PRLR: variants seen among roughly 807,000 people sequenced by gnomAD.
PRLR encodes prolactin receptor.
In PRLR, 13 loss-of-function variants were observed where a neutral mutation model predicts 40.2. That is an observed-to-expected ratio of 0.32 (90% CI 0.21 to 0.51). PRLR has a LOEUF of 0.51. Among genes scored for constraint, PRLR ranks in the 20% least tolerant of loss-of-function variants. The pLI is 0.97. For synonymous variants in PRLR, 269 were observed against 278.7 expected (o/e 0.97, Z 0.35); for missense variants, 656 against 747.3 (o/e 0.88, Z 1.42).
intron 1 of PRLR, among the ~76,000 whole-genome samples, chr5:35,179,593 T>C (rs1261364505): frequency 2.6e-5 from 4 of 152,228 alleles, no homozygotes; most frequent in African/African-American, 7.2e-5. Flanking sequence ...CACCTCTCTA[T>C]GTTCCTCATA....
At chr5:35,221,650 G>A (rs1776423145) in intron 1 of PRLR, among the ~76,000 whole-genome samples, 1 of 152,156 alleles carries the variant, frequency 6.6e-6, no homozygotes, top group Non-Finnish European at 1.5e-5. Flanking sequence ...AAATAAATAC[G>A]AATGTCCAGG....
At chr5:35,111,458 C>T (rs752813376) in intron 2 of PRLR, among the ~76,000 whole-genome samples, 16 of 151,944 alleles carry the variant, frequency 1.1e-4, no homozygotes, top group Admixed American at 3.9e-4. Flanking sequence ...TTTTAAAAGC[C>T]GTAAGAATGT....
chr5:35,128,336 C>T, intron 1 of PRLR, among the ~76,000 whole-genome samples: 1 of 150,228 alleles, frequency 6.7e-6, no homozygotes, highest in East Asian at 2.1e-4. Flanking sequence ...CACAGATGCG[C>T]AAGTCTTTGA....
chr5:35,128,537 T>G (rs1773545890), intron 1 of PRLR, among the ~76,000 whole-genome samples: 1 of 152,066 alleles, frequency 6.6e-6, no homozygotes, highest in African/African-American at 2.4e-5. Flanking sequence ...AGAATATGTT[T>G]TATCCTTGAT....
intron 4 of PRLR, among the ~76,000 whole-genome samples, chr5:35,084,955 C>A (rs1770752265): frequency 6.6e-6 from 1 of 152,310 alleles, no homozygotes; most frequent in African/African-American, 2.4e-5. Flanking sequence ...ATGGCCCAGG[C>A]ACCACCATAC....
intron 1 of PRLR, among the ~76,000 whole-genome samples, chr5:35,141,520 G>A (rs1774025274): frequency 6.6e-6 from 1 of 152,160 alleles, no homozygotes; most frequent in Non-Finnish European, 1.5e-5. Context: ...CCCACAGCCG[G>A]TTACTGGCAA....
chr5:35,088,056 G>A (rs1226066935), intron 3 of PRLR, among the ~76,000 whole-genome samples: 3 of 152,200 alleles, frequency 2.0e-5, no homozygotes, highest in Non-Finnish European at 4.4e-5. Context: ...GTTAGGAGGA[G>A]ACCTCAGTGA....
chr5:35,054,912 AAG>A (rs1161580092), downstream of PRLR, among the ~76,000 whole-genome samples: 2 of 152,182 alleles, frequency 1.3e-5, no homozygotes, highest in Admixed American at 6.5e-5. Flanking sequence ...GTTACTGCTG[AAG>A]AGAGAGGTAG....
At chr5:35,163,599 C>T (rs1417237487) in intron 1 of PRLR, among the ~76,000 whole-genome samples, 1 of 152,142 alleles carries the variant, frequency 6.6e-6, no homozygotes, top group African/African-American at 2.4e-5. Flanking sequence ...GTGGAATTTG[C>T]AAGGCAAAGG....
At chr5:35,135,773 G>C (rs561250698) in intron 1 of PRLR, among the ~76,000 whole-genome samples, 8 of 152,288 alleles carry the variant, frequency 5.3e-5, no homozygotes, top group Admixed American at 5.2e-4. Flanking sequence ...CGTCCTGAGG[G>C]AGCCTGCCTT....
At position 35,060,031 on chromosome 5, in the gene PRLR, A is replaced by C. The variant is rs1768941502; in HGVS notation, c.*5058T>G. ...AAAATTTTTGTAGAGACTGGGTCTT[A>C]CTATGTTGCGTAGGCTGGGCATGGA... On this transcript the variant is annotated 3_prime_UTR_variant, in exon 10 of 10. Transcript: ENST00000618457. The C allele has an allele frequency of 6.6e-6, 1 of 152,216 alleles. No homozygotes were observed. The highest frequency in any genetic ancestry group is 6.5e-5 in the Admixed American group (1 of 15,276). 9.4% of individuals were successfully genotyped at this position (152,216 alleles called of 1,614,324 possible).
intron 1 of PRLR, among the ~76,000 whole-genome samples, chr5:35,226,084 C>T (rs1054245937): frequency 2.0e-5 from 3 of 152,190 alleles, no homozygotes; most frequent in East Asian, 3.8e-4. Flanking sequence ...TTCAAGTGCT[C>T]AATAGGCACA....
intron 2 of PRLR, among the ~76,000 whole-genome samples, chr5:35,090,665 G>A (rs891735973): frequency 4.6e-5 from 7 of 152,026 alleles, no homozygotes; most frequent in Middle Eastern, 3.4e-3. Flanking sequence ...CATTTGAAAC[G>A]TCTGAGTGTG....
intron 1 of PRLR, among the ~76,000 whole-genome samples, chr5:35,192,097 C>A (rs1037455012): frequency 1.3e-5 from 2 of 152,182 alleles, no homozygotes; most frequent in African/African-American, 4.8e-5. Context: ...CATCATTGGT[C>A]CATGTGCCTG....
intron 1 of PRLR, among the ~76,000 whole-genome samples, chr5:35,154,282 G>A (rs1245774498): frequency 6.6e-6 from 1 of 152,154 alleles, no homozygotes; most frequent in Non-Finnish European, 1.5e-5. Flanking sequence ...TGCACTGGAT[G>A]CTCAAATAAT....
rs372133479 is a variant in PRLR, at chr5:35,084,687, G to A, written c.204-48C>T. 655 of 1,558,370 alleles carry A rather than the reference G, an allele frequency of 4.2e-4. 1 individual carries two copies. The highest frequency in any genetic ancestry group is 5.3e-4 in the Non-Finnish European group (614 of 1,149,032). On this transcript the variant is annotated intron_variant, in intron 4 of 9. Coordinates refer to ENST00000618457, the MANE Select transcript of PRLR (RefSeq NM_000949.7). Reference sequence around the variant, plus strand: ...AATGAATAAGAAAGTAATAAAGAGAGTCTAGTTTTTTTCTTCATAGATCAA... The same window carrying A: ...AATGAATAAGAAAGTAATAAAGAGAATCTAGTTTTTTTCTTCATAGATCAA...
intron 9 of PRLR, among the ~76,000 whole-genome samples, chr5:35,067,431 G>A (rs1186287336): frequency 5.3e-5 from 8 of 152,038 alleles, no homozygotes; most frequent in African/African-American, 1.9e-4. Context: ...CAGGAGCTGG[G>A]ACTCCTGGGC....
At chr5:35,207,716 G>A (rs917633012) in intron 1 of PRLR, among the ~76,000 whole-genome samples, 3 of 151,696 alleles carry the variant, frequency 2.0e-5, no homozygotes, top group Admixed American at 6.6e-5. Context: ...TCCAAAAACT[G>A]AAAAATGGTT....
intron 1 of PRLR, among the ~76,000 whole-genome samples, chr5:35,208,017 A>G (rs1776067790): frequency 6.6e-6 from 1 of 152,130 alleles, no homozygotes; most frequent in African/African-American, 2.4e-5. Context: ...AACTTAATAT[A>G]CACTGAAGCA....
Sources: allele counts gnomAD v4.1 joint callset (sites outside exome capture counted in the v4.1 genomes callset), GRCh38; gene constraint gnomAD v4.1.1; transcripts MANE v1.5; gene names NCBI Gene and HGNC (gene_info 2026-07-23, HGNC 2026-07-21).